Variants in TNNI3K observed in about 807,000 individuals in gnomAD.
TNNI3K encodes the protein serine/threonine-protein kinase TNNI3K.
TNNI3K carries 140 observed loss-of-function variants against 114.5 expected under a neutral mutation model. That is an observed-to-expected ratio of 1.22 (90% CI 1.07 to 1.41). TNNI3K has a LOEUF of 1.41. Among genes scored for constraint, TNNI3K ranks in the 40% most tolerant of loss-of-function variants. TNNI3K has a pLI of 0.00. For missense variants in TNNI3K, 1,125 were observed against 1,007.6 expected (o/e 1.12, Z -1.58); for synonymous variants, 347 against 347.5 (o/e 1.00, Z 0.02).
chr1:74,494,510 A>G (rs1570698253), intron 23 of TNNI3K, among the ~76,000 whole-genome samples: 1 of 152,186 alleles, frequency 6.6e-6, no homozygotes, highest in Non-Finnish European at 1.5e-5. Context: ...CCCATAGGCC[A>G]AGACTACATT....
intron 23 of TNNI3K, among the ~76,000 whole-genome samples, chr1:74,509,747 CTTTTTTTTTTTTTTTTTTTTT>C (rs68193106): frequency 6.9e-4 from 33 of 47,816 alleles, no homozygotes; most frequent in African/African-American, 2.6e-3. Flanking sequence ...ATCTGAATTT[CTTTTTTTTTTTTTTTTTTTTT>C]TTTTTTTTTG....
At chr1:74,320,075 A>G (rs1338931437) in intron 5 of TNNI3K, among the ~76,000 whole-genome samples, 1 of 152,142 alleles carries the variant, frequency 6.6e-6, no homozygotes, top group African/African-American at 2.4e-5. Context: ...TCTGAAGCCA[A>G]AACTACTTGG....
intron 23 of TNNI3K, among the ~76,000 whole-genome samples, chr1:74,495,526 C>T (rs542821380): frequency 6.6e-6 from 1 of 152,174 alleles, no homozygotes; most frequent in African/African-American, 2.4e-5. Context: ...TAACTATTTT[C>T]TCTTTTCTTT....
chr1:74,318,845 G>A (rs75389129), intron 5 of TNNI3K, among the ~76,000 whole-genome samples: 1,795 of 152,324 alleles, frequency 0.012, 23 homozygotes, highest in Admixed American at 0.045. Flanking sequence ...AATATTTATT[G>A]ATCTGAGCTG....
rs199877185 is a variant in TNNI3K at position 74,249,529 on chromosome 1, T to G, written c.220T>G (p.Cys74Gly). ...TENGLSLLHL[C>G]CICGGKKSHI... is the part of the protein sequence containing the mutation. Reference sequence around the variant, plus strand: ...AAATGGGCTGTCTCTACTTCATTTATGTTGCATTTGTGGAGGTGAGTACTT... The same window carrying G: ...AAATGGGCTGTCTCTACTTCATTTAGGTTGCATTTGTGGAGGTGAGTACTT... The change falls in exon 3 of 25, where the codon TGT (cysteine) becomes GGT (glycine). Residue 74 changes from cysteine to glycine, a missense_variant. Cys to Gly is a radical substitution (Grantham distance 159). Transcript: ENST00000326637. 6.2e-7 allele frequency: 1 copy of G among 1,613,618 alleles called. No individual in the cohort carries two copies. The highest frequency in any genetic ancestry group is 8.5e-7 in the Non-Finnish European group (1 of 1,179,768).
chr1:74,293,857 A>AT (rs929550011), intron 5 of TNNI3K, among the ~76,000 whole-genome samples: 1 of 151,680 alleles, frequency 6.6e-6, no homozygotes. Flanking sequence ...CACATTAAGA[A>AT]TTTTTTCCTT....
chr1:74,394,736 G>T (rs1275253733), intron 17 of TNNI3K, among the ~76,000 whole-genome samples: 1 of 152,198 alleles, frequency 6.6e-6, no homozygotes, highest in African/African-American at 2.4e-5. Context: ...ACAAAATGCA[G>T]CAGGACAACC....
At chr1:74,540,206 G>C in intron 23 of TNNI3K, 28 bp from the exon 24 acceptor site, 1 of 1,607,824 alleles carries the variant, frequency 6.2e-7, no homozygotes, top group Non-Finnish European at 8.5e-7. Flanking sequence ...TCACCATACT[G>C]TGAAACTGTG....
intron 5 of TNNI3K, among the ~76,000 whole-genome samples, chr1:74,324,644 A>G (rs1299212166): frequency 6.6e-6 from 1 of 152,292 alleles, no homozygotes; most frequent in Admixed American, 6.5e-5. Context: ...GCCAGTGGGA[A>G]GTGGGGCCAG....
chr1:74,278,250 G>T (rs756842971), intron 5 of TNNI3K, among the ~76,000 whole-genome samples: 3 of 152,030 alleles, frequency 2.0e-5, no homozygotes, highest in Non-Finnish European at 4.4e-5. Context: ...ACTCCATTTG[G>T]AATCAGAACA....
chr1:74,477,104 G>C (rs1442973156), intron 21 of TNNI3K, among the ~76,000 whole-genome samples: 1 of 152,018 alleles, frequency 6.6e-6, no homozygotes, highest in East Asian at 1.9e-4. Context: ...TCCTTTTATT[G>C]ACAGATAGAT....
At chr1:74,331,201 C>G (rs971519793) in intron 5 of TNNI3K, among the ~76,000 whole-genome samples, 3 of 152,128 alleles carry the variant, frequency 2.0e-5, no homozygotes, top group Non-Finnish European at 4.4e-5. Context: ...AGGAAAGAGA[C>G]TAATGAGAAA....
At chr1:74,456,894 G>A (rs1161768155) in intron 20 of TNNI3K, among the ~76,000 whole-genome samples, 1 of 152,104 alleles carries the variant, frequency 6.6e-6, no homozygotes, top group Non-Finnish European at 1.5e-5. Context: ...GTCACATATG[G>A]TATTTAAAAA....
intron 23 of TNNI3K, among the ~76,000 whole-genome samples, chr1:74,528,519 T>C (rs982575643): frequency 6.6e-6 from 1 of 152,012 alleles, no homozygotes; most frequent in African/African-American, 2.4e-5. Context: ...ACAACAGCAA[T>C]GGGAGATTTG....
chr1:74,328,731 G>GA lies in TNNI3K; in HGVS notation c.445-2711dup, dbSNP rs201261708. The stretch of plus-strand genomic sequence containing the variant: ...AACTGGAGAAGTGCAAACTTAGGAG[G>GA]AAAAAAAATGGCTTTAAACTGTTTA... On this transcript the variant is annotated intron_variant, in intron 5 of 24. Coordinates refer to ENST00000326637, the MANE Select transcript of TNNI3K (RefSeq NM_015978.3). Among the ~76,000 whole-genome samples, 1,461 of 151,686 alleles carry GA rather than the reference G, an allele frequency of 9.6e-3. 25 individuals are homozygous for GA. Among genetic ancestry groups the GA allele is most frequent in the African/African-American group, 0.033 (1,371 of 41,394 alleles).
intron 23 of TNNI3K, among the ~76,000 whole-genome samples, chr1:74,536,221 GC>G (rs1293625758): frequency 2.0e-5 from 3 of 152,094 alleles, no homozygotes; most frequent in East Asian, 3.9e-4. Context: ...AGTTTTAAAT[GC>G]CCTGGTTCAT....
At position 74,250,564 on chromosome 1, in the gene TNNI3K, G is replaced by A. The variant is rs866746663; in HGVS notation, c.236-108G>A. 21 of 994,000 alleles carry A rather than the reference G, an allele frequency of 2.1e-5. No homozygotes were observed. The Middle Eastern group carries it at 6.6e-4, about 31-fold the overall frequency. 61.6% of individuals were successfully genotyped at this position (994,000 alleles called of 1,614,324 possible). A position where few individuals can be genotyped will look rare whatever the true frequency, so the allele number is the denominator to read the frequency against. Reference sequence around the variant, plus strand: ...CTTTACAAATGGCCTGCAGAACGCAGCTTGACATTTTTATACAGCTGTATG... The same window carrying A: ...CTTTACAAATGGCCTGCAGAACGCAACTTGACATTTTTATACAGCTGTATG... On this transcript the variant is annotated intron_variant, in intron 3 of 24. Transcript: ENST00000326637.
chr1:74,377,511 C>A (rs1231916329), intron 17 of TNNI3K, among the ~76,000 whole-genome samples: 2 of 151,942 alleles, frequency 1.3e-5, no homozygotes, highest in East Asian at 3.9e-4. Context: ...CAATACCAGA[C>A]AATTATATTG....
At chr1:74,530,924 A>G (rs1039674376) in intron 23 of TNNI3K, among the ~76,000 whole-genome samples, 2 of 152,128 alleles carry the variant, frequency 1.3e-5, no homozygotes, top group South Asian at 4.1e-4. Context: ...TGTTGAGCCT[A>G]TTAATAATTT....
Sources: allele counts gnomAD v4.1 joint callset (sites outside exome capture counted in the v4.1 genomes callset), GRCh38; gene constraint gnomAD v4.1.1; transcripts MANE v1.5; gene names NCBI Gene and HGNC (gene_info 2026-07-23, HGNC 2026-07-21).